The following ZDHHC7 variants were observed in gnomAD, a reference collection of about 807,000 sequenced individuals.
The protein encoded by ZDHHC7 is palmitoyltransferase ZDHHC7.
In ZDHHC7, 12 loss-of-function variants were observed where a neutral mutation model predicts 34.1. The ratio of observed to expected loss-of-function variants is 0.35; its 90% CI spans 0.23 to 0.57. The LOEUF (loss-of-function observed/expected upper bound fraction) is 0.57, where lower values mean the gene tolerates loss of function less well. Ranked by LOEUF, ZDHHC7 falls within the 20% of genes least tolerant of loss-of-function variation. The probability of loss-of-function intolerance (pLI) is 0.84; values close to 1 mark genes in which losing one functional copy is unlikely to be tolerated. For missense variants in ZDHHC7, 388 were observed against 402.7 expected, an observed-to-expected ratio of 0.96 and a Z score of 0.31; for synonymous variants, 185 against 155.4, an observed-to-expected ratio of 1.19 and a Z score of -1.42.
intron 1 of ZDHHC7, among the ~76,000 whole-genome samples, chr16:85,006,440 T>C (rs2143745190): frequency 6.6e-6 from 1 of 152,224 alleles, no homozygotes; most frequent in East Asian, 1.9e-4. Flanking sequence ...CCAGGTGCAG[T>C]GGCACCGGTC....
intron 3 of ZDHHC7, among the ~76,000 whole-genome samples, chr16:84,985,596 A>G (rs1414466190): frequency 2.0e-5 from 3 of 152,254 alleles, no homozygotes; most frequent in Admixed American, 2.0e-4. Context: ...TGTCAGAGAC[A>G]CATAAACCAA....
intron 7 of ZDHHC7, 35 bp from the exon 8 acceptor site, chr16:84,976,554 C>A (rs780208843): frequency 6.2e-7 from 1 of 1,603,990 alleles, no homozygotes; most frequent in Non-Finnish European, 8.5e-7. Context: ...GGCAGCGGCT[C>A]CAGGAAGCTC....
intron 3 of ZDHHC7, 114 bp from the exon 4 acceptor site, chr16:84,982,108 G>A (rs2072378021): frequency 1.4e-6 from 2 of 1,398,920 alleles, no homozygotes; most frequent in South Asian, 2.5e-5. Context: ...GAGGCGGGTG[G>A]ATCACGGGGT....
chr16:85,005,986 T>C (rs572700017), intron 1 of ZDHHC7, among the ~76,000 whole-genome samples: 2 of 152,322 alleles, frequency 1.3e-5, no homozygotes, highest in East Asian at 3.9e-4. Flanking sequence ...CCCTCATCTC[T>C]AGCCTGTACC....
chr16:85,009,915 A>T (rs1447522081), intron 1 of ZDHHC7, among the ~76,000 whole-genome samples: 2 of 152,002 alleles, frequency 1.3e-5, no homozygotes, highest in East Asian at 3.9e-4. Context: ...TCACCGTGTT[A>T]GCCAGGATGG....
upstream of ZDHHC7, among the ~76,000 whole-genome samples, chr16:85,013,783 G>A (rs1212111693): frequency 2.0e-5 from 3 of 152,084 alleles, no homozygotes; most frequent in Admixed American, 6.6e-5. Context: ...CATCTCCTGG[G>A]TTCAAGCAAT....
chr16:84,989,885 T>A lies in ZDHHC7; in HGVS notation c.315+419A>T, dbSNP rs373245282. Among the ~76,000 whole-genome samples, 257 of 152,278 alleles carry A rather than the reference T, an allele frequency of 1.7e-3. 2 individuals are homozygous for A. Among genetic ancestry groups the A allele is most frequent in the African/African-American group, 5.9e-3 (246 of 41,550 alleles). On this transcript the variant is annotated intron_variant, in intron 3 of 7. Transcript: ENST00000313732. ...CAAATGAAAATCTACTGACTGCTAATACCTGACTTTGCATGCCTGCAGCTG... is the reference window on the plus strand; with the variant it reads ...CAAATGAAAATCTACTGACTGCTAAAACCTGACTTTGCATGCCTGCAGCTG...
At chr16:85,012,015 T>C (rs945679510), upstream of ZDHHC7, among the ~76,000 whole-genome samples, 1 of 152,136 alleles carries the variant, frequency 6.6e-6, no homozygotes, top group Non-Finnish European at 1.5e-5. Flanking sequence ...GCCTCCTCCT[T>C]GAGGGACTTG....
chr16:84,979,362 G>A lies in ZDHHC7; in HGVS notation c.441-77C>T, dbSNP rs2072337360. 3 of 1,536,710 alleles carry A rather than the reference G, an allele frequency of 2.0e-6. No homozygotes were observed. The African/African-American group carries it at 4.2e-5, about 22-fold the overall frequency. On this transcript the variant is annotated intron_variant, in intron 4 of 7. Transcript: ENST00000313732. ...GTAACACAACCAAATAAAATCAAAG[G>A]TGGAGGAAAATTAGAATGTATATTC...
the ZDHHC7 span, among the ~76,000 whole-genome samples, chr16:85,017,623 A>G: frequency 6.6e-6 from 1 of 152,212 alleles, no homozygotes; most frequent in Non-Finnish European, 1.5e-5. Flanking sequence ...CAACGACAAT[A>G]CACATACATG....
chr16:84,994,243 C>G (rs909505581), intron 2 of ZDHHC7, among the ~76,000 whole-genome samples: 17 of 152,220 alleles, frequency 1.1e-4, no homozygotes, highest in African/African-American at 4.1e-4. Flanking sequence ...TGCTAAAAGG[C>G]AGATGCAACA....
chr16:85,008,917 G>A (rs1367703837), intron 1 of ZDHHC7, among the ~76,000 whole-genome samples: 1 of 151,388 alleles, frequency 6.6e-6, no homozygotes, highest in African/African-American at 2.4e-5. Context: ...CGGTGGCTCA[G>A]GCCTGTAATC....
Position 84,976,470 on chromosome 16 carries a change from C to T in ZDHHC7, c.800G>A (p.Arg267Gln). The T allele has an allele frequency of 3.1e-6, 5 of 1,614,118 alleles. No individual in the cohort carries two copies. The highest frequency in any genetic ancestry group is 1.3e-5 in the African/African-American group (1 of 75,052). Residue 267 changes from arginine to glutamine, a missense_variant, in exon 8 of 8, where the codon CGA (arginine) becomes CAA (glutamine). Coordinates refer to ENST00000313732, the MANE Select transcript of ZDHHC7 (RefSeq NM_017740.3). ...AAAGACGGACTTCATCCCTTCCCAT[C>T]GCAGCCTCCGCTCCCATGTGGGCTT... ...SEKPTWERRL[R>Q]WEGMKSVFGG...
chr16:84,975,646 A>AAAT lies in ZDHHC7; in HGVS notation c.*694_*696dup, dbSNP rs1257371073. On this transcript the variant is annotated 3_prime_UTR_variant, in exon 8 of 8. Transcript: ENST00000313732. ...CTTCCCTGAAACGTCGGTTTCTAAA[A>AAAT]AATAGCTTGTTTGCTGTACACAGCC... 6.6e-6 allele frequency: 1 copy of AAAT among 152,652 alleles called. No individual in the cohort carries two copies. Among genetic ancestry groups the AAAT allele is most frequent in the African/African-American group, 2.4e-5 (1 of 41,450 alleles). 9.5% of individuals were successfully genotyped at this position (152,652 alleles called of 1,614,324 possible).
chr16:85,005,504 G>A (rs1444913485), intron 1 of ZDHHC7, among the ~76,000 whole-genome samples: 1 of 152,184 alleles, frequency 6.6e-6, no homozygotes, highest in Non-Finnish European at 1.5e-5. Flanking sequence ...TTGAGTCTTA[G>A]AGGCTAAGTG....
chr16:84,997,943 TAG>T (rs1173492523), intron 1 of ZDHHC7, among the ~76,000 whole-genome samples: 1 of 135,456 alleles, frequency 7.4e-6, no homozygotes, highest in Non-Finnish European at 1.6e-5. Flanking sequence ...AGAGGAGAAC[TAG>T]AAGACAGAGA....
intron 3 of ZDHHC7, among the ~76,000 whole-genome samples, chr16:84,989,207 T>G (rs1283314048): frequency 1.3e-5 from 2 of 152,182 alleles, no homozygotes; most frequent in Admixed American, 1.3e-4. Flanking sequence ...AAGGTACCAC[T>G]CCCCAGCTGC....
rs541712435 is a variant in ZDHHC7, at chr16:84,976,036, C to T, written c.*307G>A. On this transcript the variant is annotated 3_prime_UTR_variant, in exon 8 of 8. Coordinates refer to ENST00000313732, the MANE Select transcript of ZDHHC7 (RefSeq NM_017740.3). ...CATGATTGGAAACAGCAGCTCAGGA[C>T]CCAGGATTTGAATAACCCATGTAAT... The T allele has an allele frequency of 5.9e-6, 2 of 341,206 alleles. No individual in the cohort carries two copies. The highest frequency in any genetic ancestry group is 6.9e-5 in the South Asian group (2 of 28,778). The allele number at this position is 341,206 out of a possible 1,614,324, so 21.1% of individuals were successfully genotyped here. A position where few individuals can be genotyped will look rare whatever the true frequency, so the allele number is the denominator to read the frequency against.
rs116135417 is a variant in ZDHHC7 at position 84,982,053 on chromosome 16, C to T, written c.316-59G>A. The T allele has an allele frequency of 1.0e-3, 1,607 of 1,603,824 alleles. 11 individuals carry two copies. The African/African-American group carries it at 0.019, about 19-fold the overall frequency. ...AGAATGAAAGTTAAAAACATCAGGCCGGGCGCAGTGGGTCACACCTGTAAT... is the reference window on the plus strand; with the variant it reads ...AGAATGAAAGTTAAAAACATCAGGCTGGGCGCAGTGGGTCACACCTGTAAT... On this transcript the variant is annotated intron_variant, in intron 3 of 7. Transcript: ENST00000313732.
Sources: gnomAD v4.1 joint callset for allele counts (sites outside exome capture counted in the v4.1 genomes callset) on GRCh38, gnomAD v4.1.1 for gene constraint, MANE v1.5 for transcripts, NCBI Gene and HGNC (gene_info 2026-07-23, HGNC 2026-07-21) for gene names.